The following CNBD1 variants were observed in gnomAD, a reference collection of about 807,000 sequenced individuals.
The protein encoded by CNBD1 is cyclic nucleotide-binding domain-containing protein 1.
CNBD1 carries 71 observed loss-of-function variants against 54.4 expected under a neutral mutation model. The ratio of observed to expected loss-of-function variants is 1.30; its 90% CI spans 1.08 to 1.59. The LOEUF (loss-of-function observed/expected upper bound fraction) is 1.59, where lower values mean the gene tolerates loss of function less well. CNBD1 is among the 40% of genes most tolerant of loss of function. The pLI, the probability that CNBD1 is intolerant of heterozygous loss-of-function variation, is 0.00. For missense variants in CNBD1, 659 were observed against 518.0 expected (o/e 1.27, Z -2.64); for synonymous variants, 182 against 170.7 (o/e 1.07, Z -0.51).
At chr8:87,171,506 T>G (rs1813086085) in intron 4 of CNBD1, among the ~76,000 whole-genome samples, 1 of 152,052 alleles carries the variant, frequency 6.6e-6, no homozygotes, top group Admixed American at 6.5e-5. Flanking sequence ...TGGTTCAATT[T>G]TATTTATCTC....
intron 2 of CNBD1, among the ~76,000 whole-genome samples, chr8:87,403,065 G>A (rs1199088025): frequency 6.6e-6 from 1 of 151,892 alleles, no homozygotes; most frequent in African/African-American, 2.4e-5. Context: ...TTAATAAATG[G>A]CTTTTCAGGT....
chr8:87,173,367 T>A (rs566825687), intron 4 of CNBD1, among the ~76,000 whole-genome samples: 28 of 152,320 alleles, frequency 1.8e-4, no homozygotes, highest in African/African-American at 6.3e-4. Flanking sequence ...GTACTTACTA[T>A]TGCCAATGAG....
chr8:86,875,421 C>T (rs1013199920), intron 1 of CNBD1, among the ~76,000 whole-genome samples: 3 of 152,170 alleles, frequency 2.0e-5, no homozygotes, highest in Non-Finnish European at 4.4e-5. Context: ...GGTTTTAGGA[C>T]TCACTGTTCG....
chr8:87,277,895 A>G (rs144324854), intron 6 of CNBD1, among the ~76,000 whole-genome samples: 3 of 151,894 alleles, frequency 2.0e-5, no homozygotes, highest in African/African-American at 7.2e-5. Flanking sequence ...ATCAGTAGAA[A>G]CAAACACACA....
intron 3 of CNBD1, among the ~76,000 whole-genome samples, chr8:86,938,971 C>T (rs1809601003): frequency 6.6e-6 from 1 of 152,070 alleles, no homozygotes; most frequent in African/African-American, 2.4e-5. Flanking sequence ...TGCAACCTGC[C>T]TTACTATTTT....
chr8:86,984,395 A>G (rs1405495009), intron 4 of CNBD1, among the ~76,000 whole-genome samples: 2 of 152,160 alleles, frequency 1.3e-5, no homozygotes, highest in Non-Finnish European at 2.9e-5. Context: ...CAGAGTCCCT[A>G]CTGGGGCGCA....
intron 4 of CNBD1, among the ~76,000 whole-genome samples, chr8:87,097,339 C>CGTA (rs1563467478): frequency 6.6e-6 from 1 of 152,078 alleles, no homozygotes; most frequent in African/African-American, 2.4e-5. Context: ...AACTGAGGTT[C>CGTA]GTAGTTTATG....
chr8:87,230,671 C>G (rs1293564675), intron 5 of CNBD1, among the ~76,000 whole-genome samples: 1 of 152,108 alleles, frequency 6.6e-6, no homozygotes, highest in Non-Finnish European at 1.5e-5. Flanking sequence ...GTTAGAACAC[C>G]TAGCACAGTG....
rs541259841 is a variant in CNBD1 at position 86,895,245 on chromosome 8, G to A, written c.158+7634G>A. On this transcript the variant is annotated intron_variant, in intron 2 of 10. Transcript: ENST00000518476. ...TATTTAAATTTTTTTCTCTGTGTGT[G>A]TGTGCATGGTGTGTGTGTGTGTGTG... Among the ~76,000 whole-genome samples the A allele has an allele frequency of 3.9e-3, 524 of 133,430 alleles. 5 individuals are homozygous for A. Among genetic ancestry groups the A allele is most frequent in the African/African-American group, 0.016 (496 of 31,386 alleles). 87.5% of individuals were successfully genotyped at this position (133,430 alleles called of 152,430 possible).
intron 4 of CNBD1, among the ~76,000 whole-genome samples, chr8:87,085,976 A>G (rs1811087308): frequency 6.6e-6 from 1 of 152,064 alleles, no homozygotes. Flanking sequence ...CTTTTGTTTC[A>G]TAATAGGGAT....
At chr8:87,424,120 A>C (rs1394630807) in intron 2 of CNBD1, among the ~76,000 whole-genome samples, 1 of 151,970 alleles carries the variant, frequency 6.6e-6, no homozygotes, top group African/African-American at 2.4e-5. Flanking sequence ...ATTGGTGGTG[A>C]TATCCCCTTT....
intron 6 of CNBD1, among the ~76,000 whole-genome samples, chr8:87,239,706 G>A (rs1310726717): frequency 6.6e-6 from 1 of 152,120 alleles, no homozygotes; most frequent in Non-Finnish European, 1.5e-5. Context: ...ATGAGATAAT[G>A]TATAGTTGTG....
At position 87,334,277 on chromosome 8, in the gene CNBD1, C is replaced by A. The variant is rs144459497; in HGVS notation, c.1043-17408C>A. Among the ~76,000 whole-genome samples, 1,106 of 151,922 alleles carry A rather than the reference C, an allele frequency of 7.3e-3. 13 individuals are homozygous for A. Among genetic ancestry groups the A allele is most frequent in the African/African-American group, 0.025 (1,046 of 41,438 alleles). ...CTATTTGATTCTTCTCTCTTTTCTTCTTTATTAGTCTAGCTAGCAACCTAT... is the reference window on the plus strand; with the variant it reads ...CTATTTGATTCTTCTCTCTTTTCTTATTTATTAGTCTAGCTAGCAACCTAT... On this transcript the variant is annotated intron_variant, in intron 8 of 10. Transcript: ENST00000518476.
At chr8:87,387,412 T>C (rs1811211695), downstream of CNBD1, among the ~76,000 whole-genome samples, 2 of 151,858 alleles carry the variant, frequency 1.3e-5, no homozygotes, top group South Asian at 2.1e-4. Context: ...TGGAGGAAGA[T>C]CTACCAAGCA....
At chr8:87,279,857 T>A (rs571881706) in intron 6 of CNBD1, among the ~76,000 whole-genome samples, 3 of 151,020 alleles carry the variant, frequency 2.0e-5, no homozygotes, top group Admixed American at 6.6e-5. Flanking sequence ...ATGAGGGACA[T>A]AATAGGAAGC....
intron 10 of CNBD1, among the ~76,000 whole-genome samples, chr8:87,375,894 G>A (rs1423897203): frequency 6.6e-6 from 1 of 151,790 alleles, no homozygotes; most frequent in African/African-American, 2.4e-5. Context: ...CTTTTTTCAG[G>A]CCTTGGATCT....
At chr8:87,097,397 A>G (rs1183525331) in intron 4 of CNBD1, among the ~76,000 whole-genome samples, 2 of 152,192 alleles carry the variant, frequency 1.3e-5, no homozygotes, top group Admixed American at 6.5e-5. Context: ...GCCATGATTC[A>G]TATCCAAGAG....
chr8:87,154,278 G>A (rs1247721505), intron 4 of CNBD1, among the ~76,000 whole-genome samples: 2 of 152,134 alleles, frequency 1.3e-5, no homozygotes, highest in African/African-American at 4.8e-5. Context: ...GCCAGAAGCT[G>A]CTAAAGAAAC....
intron 8 of CNBD1, among the ~76,000 whole-genome samples, chr8:87,345,397 TA>T (rs973612949): frequency 2.6e-5 from 4 of 152,202 alleles, no homozygotes; most frequent in African/African-American, 9.6e-5. Context: ...TACTGCTATC[TA>T]AATTCTTTTT....
Sources: gnomAD v4.1 joint callset for allele counts (sites outside exome capture counted in the v4.1 genomes callset) on GRCh38, gnomAD v4.1.1 for gene constraint, MANE v1.5 for transcripts, NCBI Gene and HGNC (gene_info 2026-07-23, HGNC 2026-07-21) for gene names.